The following AUTS2 variants were observed in gnomAD, a reference collection of about 807,000 sequenced individuals.
AUTS2 encodes activator of transcription and developmental regulator AUTS2, also known as autism susceptibility gene 2 protein.
Under a neutral mutation model 112.4 loss-of-function variants are expected in AUTS2, and 17 were observed. The ratio of observed to expected loss-of-function variants is 0.15; its 90% CI spans 0.10 to 0.23. The LOEUF (loss-of-function observed/expected upper bound fraction) is 0.23. AUTS2 is among the 10% of genes least tolerant of loss of function. The probability of loss-of-function intolerance (pLI) is 1.00; values close to 1 mark genes in which losing one functional copy is unlikely to be tolerated. For missense variants in AUTS2, 1,510 were observed against 1,701.6 expected, an observed-to-expected ratio of 0.89 and a Z score of 1.98; for synonymous variants, 751 against 702.7, an observed-to-expected ratio of 1.07 and a Z score of -1.09.
intron 4 of AUTS2, among the ~76,000 whole-genome samples, chr7:70,420,251 T>C (rs1314223971): frequency 2.6e-5 from 4 of 152,220 alleles, no homozygotes; most frequent in Non-Finnish European, 4.4e-5. Context: ...CCTGTTCAGT[T>C]TGGGTTTTTT....
At chr7:70,165,590 T>C (rs1262416447) in intron 4 of AUTS2, among the ~76,000 whole-genome samples, 1 of 152,130 alleles carries the variant, frequency 6.6e-6, no homozygotes, top group Non-Finnish European at 1.5e-5. Flanking sequence ...AATTAAGTCT[T>C]CGTCAGATGA....
chr7:70,170,290 G>A (rs1323148662), intron 4 of AUTS2, among the ~76,000 whole-genome samples: 1 of 150,782 alleles, frequency 6.6e-6, no homozygotes, highest in Non-Finnish European at 1.5e-5. Flanking sequence ...CTCCCAAGTA[G>A]CTGGGTCTAC....
intron 5 of AUTS2, among the ~76,000 whole-genome samples, chr7:70,616,836 C>A (rs947725151): frequency 1.4e-4 from 20 of 144,694 alleles, no homozygotes; most frequent in Non-Finnish European, 4.5e-5. Context: ...GGAATGATGG[C>A]ACTATTGATG....
At chr7:70,068,870 ATATAAG>A (rs1181372609) in intron 2 of AUTS2, among the ~76,000 whole-genome samples, 1 of 152,208 alleles carries the variant, frequency 6.6e-6, no homozygotes, top group East Asian at 1.9e-4. Context: ...TGCACTTTTT[ATATAAG>A]TATGACTTTC....
intron 2 of AUTS2, among the ~76,000 whole-genome samples, chr7:69,944,783 G>T (rs913608403): frequency 6.6e-6 from 1 of 152,100 alleles, no homozygotes; most frequent in African/African-American, 2.4e-5. Flanking sequence ...TTACCCTTAC[G>T]TATCAGATTT....
In AUTS2 at chr7:70,495,892, C is replaced by T. The variant is rs375280586; in HGVS notation, c.690+60111C>T. 4.4e-5 allele frequency among the ~76,000 whole-genome samples: 6 copies of T among 136,522 alleles called. No individual in the cohort carries two copies. The East Asian group carries it at 1.2e-3, about 26-fold the overall frequency. 89.6% of individuals were successfully genotyped at this position (136,522 alleles called of 152,430 possible). A position where few individuals can be genotyped will look rare whatever the true frequency, so the allele number is the denominator to read the frequency against. On this transcript the variant is annotated intron_variant, in intron 5 of 18. Coordinates refer to ENST00000342771, the MANE Select transcript of AUTS2 (RefSeq NM_015570.4). ...CCCACACATGCACATGTCACATCAGCGTCGATCACACATCCCACTCACACA... is the reference window on the plus strand; with the variant it reads ...CCCACACATGCACATGTCACATCAGTGTCGATCACACATCCCACTCACACA...
At chr7:69,699,664 C>G (rs551674632) in intron 1 of AUTS2, among the ~76,000 whole-genome samples, 2 of 141,644 alleles carry the variant, frequency 1.4e-5, no homozygotes, top group South Asian at 2.3e-4. Flanking sequence ...TTTTTTTTCC[C>G]GAGACAGAAT....
chr7:70,069,119 T>G (rs1046026860), intron 2 of AUTS2, among the ~76,000 whole-genome samples: 2 of 152,180 alleles, frequency 1.3e-5, no homozygotes, highest in African/African-American at 4.8e-5. Flanking sequence ...TAGTGGGGAT[T>G]GGCAAGAATT....
intron 4 of AUTS2, among the ~76,000 whole-genome samples, chr7:70,190,130 G>C (rs1434698249): frequency 6.6e-6 from 1 of 152,098 alleles, no homozygotes; most frequent in African/African-American, 2.4e-5. Context: ...AAGAAATATT[G>C]CCCTTCTAGC....
At chr7:70,094,248 T>G (rs1217434837) in intron 2 of AUTS2, among the ~76,000 whole-genome samples, 1 of 152,232 alleles carries the variant, frequency 6.6e-6, no homozygotes, top group Non-Finnish European at 1.5e-5. Context: ...TATTTGTGTA[T>G]GCGCCCTGCA....
At chr7:69,827,888 T>G (rs2129527155) in intron 1 of AUTS2, among the ~76,000 whole-genome samples, 1 of 152,284 alleles carries the variant, frequency 6.6e-6, no homozygotes, top group South Asian at 2.1e-4. Flanking sequence ...CAGCATGGTT[T>G]CCTTCCTCTT....
chr7:70,151,144 A>G (rs1310287812), intron 4 of AUTS2, among the ~76,000 whole-genome samples: 1 of 152,164 alleles, frequency 6.6e-6, no homozygotes, highest in Non-Finnish European at 1.5e-5. Flanking sequence ...GCAAAAATTC[A>G]AAGGACAGAG....
chr7:70,175,702 A>G (rs1306220399), intron 4 of AUTS2, among the ~76,000 whole-genome samples: 2 of 152,230 alleles, frequency 1.3e-5, no homozygotes, highest in Non-Finnish European at 2.9e-5. Flanking sequence ...GATACCTGCA[A>G]AAATCCATCC....
intron 4 of AUTS2, among the ~76,000 whole-genome samples, chr7:70,274,589 C>G (rs1787842583): frequency 6.6e-6 from 1 of 152,050 alleles, no homozygotes; most frequent in Admixed American, 6.6e-5. Flanking sequence ...CTGTGCCCAG[C>G]CTTCAATTTT....
At chr7:69,806,047 G>A (rs949389105) in intron 1 of AUTS2, among the ~76,000 whole-genome samples, 26 of 151,674 alleles carry the variant, frequency 1.7e-4, no homozygotes, top group African/African-American at 4.8e-4. Context: ...CTATAGGCAC[G>A]TGACACCACA....
intron 1 of AUTS2, among the ~76,000 whole-genome samples, chr7:69,661,644 T>TA (rs1488319479): frequency 6.6e-6 from 1 of 152,172 alleles, no homozygotes; most frequent in Non-Finnish European, 1.5e-5. Flanking sequence ...AAGTGCTTTT[T>TA]AAAAAAACGG....
chr7:69,841,235 T>C (rs1348512016), intron 1 of AUTS2, among the ~76,000 whole-genome samples: 1 of 152,180 alleles, frequency 6.6e-6, no homozygotes, highest in Non-Finnish European at 1.5e-5. Flanking sequence ...AGAAGTTTAA[T>C]TGGCTCATGG....
At chr7:70,219,734 G>A (rs1227014669) in intron 4 of AUTS2, among the ~76,000 whole-genome samples, 1 of 152,000 alleles carries the variant, frequency 6.6e-6, no homozygotes, top group African/African-American at 2.4e-5. Flanking sequence ...ACCATACCCA[G>A]CTAATTTTTG....
chr7:70,570,072 C>T (rs373448679), intron 5 of AUTS2, among the ~76,000 whole-genome samples: 48 of 152,288 alleles, frequency 3.2e-4, no homozygotes, highest in African/African-American at 1.2e-3. Flanking sequence ...TGTGCTTATA[C>T]CTTGTTTTAA....
Sources: allele counts gnomAD v4.1 joint callset (sites outside exome capture counted in the v4.1 genomes callset), GRCh38; gene constraint gnomAD v4.1.1; transcripts MANE v1.5; gene names NCBI Gene and HGNC (gene_info 2026-07-23, HGNC 2026-07-21).